Variants in NPY4R2 observed in about 807,000 individuals in gnomAD.
The protein encoded by NPY4R2 is neuropeptide Y receptor Y4-2.
For synonymous variants in NPY4R2, 6 were observed against 115.2 expected, an observed-to-expected ratio of 0.05 and a Z score of 6.07; for missense variants, 7 against 268.8, an observed-to-expected ratio of 0.03 and a Z score of 6.81.
At chr10:47,919,947 C>T (rs1459894402) in intron 1 of NPY4R2, among the ~76,000 whole-genome samples, 1 of 5,834 alleles carries the variant, frequency 1.7e-4, no homozygotes, top group African/African-American at 2.1e-3. Context: ...ACTGGCCAAG[C>T]CTTGCTGATG....
chr10:47,920,249 T>G lies in NPY4R2; in HGVS notation c.-215-489T>G, dbSNP rs1373377790. Reference sequence around the variant, plus strand: ...ACCAAATGAGACTCTTTTTTTTTTTTTTTTTGAGACAGAGTCTCGCTCTGT... The same window carrying G: ...ACCAAATGAGACTCTTTTTTTTTTTGTTTTTGAGACAGAGTCTCGCTCTGT... On this transcript the variant is annotated intron_variant, in intron 1 of 2. Coordinates refer to ENST00000576178, the Ensembl canonical transcript of NPY4R2. 2.9e-5 allele frequency among the ~76,000 whole-genome samples: 3 copies of G among 104,218 alleles called. No individual in the cohort carries two copies. In the Admixed American group the frequency reaches 3.1e-4, roughly 11 times the overall value. 68.4% of individuals were successfully genotyped at this position (104,218 alleles called of 152,430 possible).
At chr10:47,916,826 GC>G (rs1841672291), upstream of NPY4R2, among the ~76,000 whole-genome samples, 2 of 97,054 alleles carry the variant, frequency 2.1e-5, no homozygotes, top group Admixed American at 1.1e-4. Context: ...CCACACAGCT[GC>G]CCTGCAAGAA....
At chr10:47,918,383 G>GAAAGAAAGAAAGAA (rs1555252051), upstream of NPY4R2, among the ~76,000 whole-genome samples, 2 of 10,502 alleles carry the variant, frequency 1.9e-4, no homozygotes, top group East Asian at 1.3e-3. Flanking sequence ...GAGAGAGAGA[G>GAAAGAAAGAAAGAA]AGAAAGAAAG....
chr10:47,918,433 G>A (rs149534360), upstream of NPY4R2, among the ~76,000 whole-genome samples: 330 of 25,562 alleles, frequency 0.013, 4 homozygotes, highest in Admixed American at 0.044. Flanking sequence ...AAGAAAGAAA[G>A]AGAGAGAGAA....
upstream of NPY4R2, among the ~76,000 whole-genome samples, chr10:47,918,356 GGAGAGAGAGAGAGAGAGA>G (rs139901640): frequency 0.16 from 2,781 of 17,234 alleles, 408 homozygotes; most frequent in South Asian, 0.23. Context: ...GGGGAGGGAG[GGAGAGAGAGAGAGAGAGA>G]GAGAGAGAGA....
At chr10:47,920,578 AAAC>A (rs1841719235) in intron 1 of NPY4R2, among the ~76,000 whole-genome samples, 157 bp from the exon 2 acceptor site, 3 of 125,726 alleles carry the variant, frequency 2.4e-5, no homozygotes, top group African/African-American at 9.1e-5. Flanking sequence ...TGCTCTGCAA[AAAC>A]TGCCTTAACA....
At chr10:47,918,393 G>GA (rs1841026810), upstream of NPY4R2, among the ~76,000 whole-genome samples, 1 of 20,914 alleles carries the variant, frequency 4.8e-5, no homozygotes, top group Non-Finnish European at 8.6e-5. Context: ...GAGAAAGAAA[G>GA]AAAGAAAGAA....
At chr10:47,921,775 A>AT (rs1237000905) in intron 2 of NPY4R2, among the ~76,000 whole-genome samples, 154 bp from the exon 3 acceptor site, 1 of 151,714 alleles carries the variant, frequency 6.6e-6, no homozygotes, top group Non-Finnish European at 1.5e-5. Flanking sequence ...CAATCATTGG[A>AT]TGCCAATGTC....
intron 1 of NPY4R2, among the ~76,000 whole-genome samples, chr10:47,920,205 C>T (rs1841709913): frequency 1.2e-5 from 1 of 86,650 alleles, no homozygotes; most frequent in African/African-American, 6.4e-5. Context: ...GGTGAATTCA[C>T]AGCTTGATCT....
upstream of NPY4R2, among the ~76,000 whole-genome samples, chr10:47,915,100 G>C (rs1220091253): frequency 6.6e-6 from 1 of 151,914 alleles, no homozygotes; most frequent in African/African-American, 2.4e-5. Context: ...CTATATGTGA[G>C]TGGACCATGC....
chr10:47,918,383 G>GAGAGAGAGAA (rs1285737308), upstream of NPY4R2, among the ~76,000 whole-genome samples: 2 of 10,502 alleles, frequency 1.9e-4, no homozygotes, highest in East Asian at 2.6e-3. Flanking sequence ...GAGAGAGAGA[G>GAGAGAGAGAA]AGAAAGAAAG....
chr10:47,922,876 AT>A lies in NPY4R2; in HGVS notation c.890del (p.Ile297ThrfsTer9). 9.1e-7 allele frequency: 1 copy of A among 1,101,948 alleles called. No individual in the cohort carries two copies. The highest frequency in any genetic ancestry group is 1.3e-6 in the Non-Finnish European group (1 of 774,248). The allele number at this position is 1,101,948 out of a possible 1,614,324, so 68.3% of individuals were successfully genotyped here. A position where few individuals can be genotyped will look rare whatever the true frequency, so the allele number is the denominator to read the frequency against. ...AGACTGGCACCATGAGGCCATCCCC[AT>A]CTGCCATGGGAACCTCATCTTCTTA... On this transcript the variant is annotated frameshift_variant, in exon 3 of 3. Transcript: ENST00000576178. LOFTEE classifies it high-confidence loss of function.
At chr10:47,921,551 A>C (rs1423150187) in intron 2 of NPY4R2, among the ~76,000 whole-genome samples, 2 of 149,770 alleles carry the variant, frequency 1.3e-5, no homozygotes, top group Non-Finnish European at 3.0e-5. Context: ...GGGAATTAGT[A>C]GAACAAGTTC....
chr10:47,914,363 G>T (rs1807875244), upstream of NPY4R2, among the ~76,000 whole-genome samples: 1 of 304 alleles, frequency 3.3e-3, no homozygotes, highest in Admixed American at 0.029. Flanking sequence ...TTCTCCTTTT[G>T]TTCTTTTAAC....
At chr10:47,914,976 C>A (rs1223246633), upstream of NPY4R2, among the ~76,000 whole-genome samples, 1 of 152,292 alleles carries the variant, frequency 6.6e-6, no homozygotes, top group African/African-American at 2.4e-5. Context: ...GTGTGAGGAT[C>A]TTTGGTTCTC....
At chr10:47,916,342 G>A (rs1841663845), upstream of NPY4R2, among the ~76,000 whole-genome samples, 1 of 131,252 alleles carries the variant, frequency 7.6e-6, no homozygotes, top group East Asian at 2.0e-4. Flanking sequence ...ATTGGTGCAG[G>A]GCTCTGCTGC....
intron 1 of NPY4R2, among the ~76,000 whole-genome samples, chr10:47,920,149 C>T (rs1393113968): frequency 1.7e-5 from 1 of 58,448 alleles, no homozygotes; most frequent in Non-Finnish European, 3.0e-5. Context: ...AGAAATCTTC[C>T]TGCCTTCGAG....
chr10:47,914,907 G>A (rs1841639745), upstream of NPY4R2, among the ~76,000 whole-genome samples: 1 of 152,204 alleles, frequency 6.6e-6, no homozygotes, highest in African/African-American at 2.4e-5. Context: ...TTCTTTTGGG[G>A]TCAGTTATTT....
upstream of NPY4R2, among the ~76,000 whole-genome samples, chr10:47,916,603 T>C (rs4979660): frequency 0.019 from 2,138 of 110,692 alleles, 29 homozygotes; most frequent in East Asian, 0.042. Flanking sequence ...GGGATGATCA[T>C]ACCACACCAG....
Sources: allele counts gnomAD v4.1 joint callset (sites outside exome capture counted in the v4.1 genomes callset), GRCh38; gene constraint gnomAD v4.1.1; transcripts MANE v1.5; gene names NCBI Gene and HGNC (gene_info 2026-07-23, HGNC 2026-07-21).